PTPRU: variants seen among roughly 807,000 people sequenced by gnomAD.
The protein encoded by PTPRU is protein tyrosine phosphatase receptor type U, also known as receptor-type tyrosine-protein phosphatase U.
PTPRU carries 69 observed loss-of-function variants against 166.3 expected under a neutral mutation model. The ratio of observed to expected loss-of-function variants is 0.41; its 90% CI spans 0.34 to 0.51. The LOEUF is 0.51. Among genes scored for constraint, PTPRU ranks in the 20% least tolerant of loss-of-function variants. The pLI, the probability that PTPRU is intolerant of heterozygous loss-of-function variation, is 0.09. For missense variants in PTPRU, 1,657 were observed against 2,013.7 expected, an observed-to-expected ratio of 0.82 and a Z score of 3.39; for synonymous variants, 793 against 814.0, an observed-to-expected ratio of 0.97 and a Z score of 0.44.
At chr1:29,283,663 T>A in intron 12 of PTPRU, 1 of 496,766 alleles carries the variant, frequency 2.0e-6, no homozygotes, top group Admixed American at 3.7e-5. Context: ...GCCCTAGGCC[T>A]CGCCCCGATG....
At chr1:29,322,158 A>C (rs976563850) in intron 26 of PTPRU, among the ~76,000 whole-genome samples, 1 of 152,266 alleles carries the variant, frequency 6.6e-6, no homozygotes, top group African/African-American at 2.4e-5. Context: ...AGCAGGAACC[A>C]TCCTTGCTAG....
chr1:29,260,978 C>G lies in PTPRU; in HGVS notation c.1144+75C>G. 7.0e-7 allele frequency: 1 copy of G among 1,420,750 alleles called. No individual in the cohort carries two copies. The highest frequency in any genetic ancestry group is 1.5e-5 in the South Asian group (1 of 67,396). The allele number at this position is 1,420,750 out of a possible 1,614,324, so 88.0% of individuals were successfully genotyped here. A position where few individuals can be genotyped will look rare whatever the true frequency, so the allele number is the denominator to read the frequency against. On this transcript the variant is annotated intron_variant, in intron 7 of 29. Coordinates refer to ENST00000373779, the MANE Select transcript of PTPRU (RefSeq NM_133178.4). This position sits in a 1 kb window ranked among gnomAD's most constrained non-coding sequence, Gnocchi z 8.3. Reference sequence around the variant, plus strand: ...ATGGAGGGGCGCATTCGAGAGGTAGCGTGGCCTGTGCTTGTAAACCTTTCT... The same window carrying G: ...ATGGAGGGGCGCATTCGAGAGGTAGGGTGGCCTGTGCTTGTAAACCTTTCT...
At chr1:29,325,023 G>A (rs1688341854) in intron 28 of PTPRU, among the ~76,000 whole-genome samples, 168 bp from the exon 29 acceptor site, 1 of 150,170 alleles carries the variant, frequency 6.7e-6, no homozygotes, top group African/African-American at 2.5e-5. Context: ...TCCTTTCTGT[G>A]TTCTCTAACT....
At chr1:29,243,869 A>G (rs1033554528) in intron 1 of PTPRU, among the ~76,000 whole-genome samples, 1 of 152,126 alleles carries the variant, frequency 6.6e-6, no homozygotes, top group East Asian at 1.9e-4. Context: ...TGGGCTGGCT[A>G]TGCCTCCTCC....
chr1:29,317,224 G>A lies in PTPRU; in HGVS notation c.3514-524G>A, dbSNP rs1164156932. On this transcript the variant is annotated intron_variant, in intron 24 of 29. Transcript: ENST00000373779. This position sits in a 1 kb window ranked among gnomAD's most constrained non-coding sequence, Gnocchi z 5.6. The stretch of plus-strand genomic sequence containing the variant: ...GCCCCGGAGATCCAGGTGTGATTCA[G>A]TGCCCGGTGCTTAGGACTTCATTCT... Among the ~76,000 whole-genome samples the A allele has an allele frequency of 6.6e-6, 1 of 152,170 alleles. No individual in the cohort carries two copies. The highest frequency in any genetic ancestry group is 2.4e-5 in the African/African-American group (1 of 41,436).
chr1:29,306,990 C>CA, intron 18 of PTPRU: 3 of 971,842 alleles, frequency 3.1e-6, no homozygotes, highest in Non-Finnish European at 3.2e-6. Context: ...CAGCCCAGCC[C>CA]GGCCTGCCCG....
At chr1:29,319,467 A>G (rs1008965512) in intron 25 of PTPRU, among the ~76,000 whole-genome samples, 1 of 152,124 alleles carries the variant, frequency 6.6e-6, no homozygotes, top group African/African-American at 2.4e-5. Context: ...TGGAGCCAGG[A>G]GGCCCCATTT....
At chr1:29,305,523 G>A in intron 18 of PTPRU, 95 bp downstream of exon 18, 2 of 1,287,766 alleles carry the variant, frequency 1.6e-6, no homozygotes, top group Non-Finnish European at 2.2e-6. Context: ...ATAAATGGGG[G>A]TTCAAATGGC....
chr1:29,254,583 A>G (rs567972418), intron 1 of PTPRU, among the ~76,000 whole-genome samples: 1 of 152,336 alleles, frequency 6.6e-6, no homozygotes, highest in East Asian at 1.9e-4. Context: ...TCTGTCAAGT[A>G]GGAAAAATAG....
At chr1:29,241,702 C>T (rs1203041662) in intron 1 of PTPRU, among the ~76,000 whole-genome samples, 1 of 151,238 alleles carries the variant, frequency 6.6e-6, no homozygotes, top group East Asian at 1.9e-4. Flanking sequence ...TCAAGTGATT[C>T]TCCTGCCTCA....
intron 14 of PTPRU, among the ~76,000 whole-genome samples, chr1:29,288,519 G>T (rs887500670): frequency 6.6e-6 from 1 of 152,122 alleles, no homozygotes; most frequent in Non-Finnish European, 1.5e-5. Flanking sequence ...GTCCTCCCTC[G>T]TGGGGCCTCT....
At position 29,274,865 on chromosome 1, in the gene PTPRU, A is replaced by T. The variant is rs1313634710; in HGVS notation, c.1145-583A>T. Among the ~76,000 whole-genome samples, 4 of 152,116 alleles carry T rather than the reference A, an allele frequency of 2.6e-5. No individual in the cohort carries two copies. The East Asian group carries it at 7.7e-4, about 29-fold the overall frequency. ...CAGGAGTTCAAGACCAGCCTGGCCA[A>T]CATGTGAAACGCTATCTCTACCAAA... On this transcript the variant is annotated intron_variant, in intron 7 of 29. Coordinates refer to ENST00000373779, the MANE Select transcript of PTPRU (RefSeq NM_133178.4).
At chr1:29,283,803 C>T (rs1161519066) in intron 12 of PTPRU, 137 bp from the exon 13 acceptor site, 5 of 1,023,392 alleles carry the variant, frequency 4.9e-6, no homozygotes, top group Middle Eastern at 2.1e-4. Flanking sequence ...GGCCTGCCTT[C>T]GGGTGGGGTG....
At chr1:29,309,958 C>T (rs1687572525) in intron 18 of PTPRU, among the ~76,000 whole-genome samples, 1 of 152,166 alleles carries the variant, frequency 6.6e-6, no homozygotes, top group South Asian at 2.1e-4. Context: ...AATTCTTTTG[C>T]TCAGAAAGAT....
intron 15 of PTPRU, among the ~76,000 whole-genome samples, chr1:29,296,679 G>GTT (rs60675448): frequency 7.4e-6 from 1 of 135,794 alleles, no homozygotes; most frequent in Non-Finnish European, 1.6e-5. Context: ...TTGCTACTTT[G>GTT]TTTTTTTTTT....
chr1:29,259,589 T>TGG, intron 5 of PTPRU, 25 bp downstream of exon 5: 1 of 250,426 alleles, frequency 4.0e-6, no homozygotes, highest in Non-Finnish European at 7.7e-6. Context: ...TGATCTTGGC[T>TGG]GGGGGCGGGG....
chr1:29,248,913 C>T (rs1166113487), intron 1 of PTPRU, among the ~76,000 whole-genome samples: 1 of 152,160 alleles, frequency 6.6e-6, no homozygotes, highest in Non-Finnish European at 1.5e-5. Context: ...GCACCTCTGC[C>T]CCAAGATGAC....
chr1:29,255,987 T>C (rs1684757140), intron 2 of PTPRU, among the ~76,000 whole-genome samples: 1 of 152,222 alleles, frequency 6.6e-6, no homozygotes, highest in Non-Finnish European at 1.5e-5. Flanking sequence ...ACTGACTTCC[T>C]GCTTTCATCA....
At chr1:29,275,280 A>G (rs1482708980) in intron 7 of PTPRU, among the ~76,000 whole-genome samples, 168 bp from the exon 8 acceptor site, 1 of 152,166 alleles carries the variant, frequency 6.6e-6, no homozygotes, top group Non-Finnish European at 1.5e-5. Flanking sequence ...GCCTGACTCC[A>G]AAGCACATAC....
Sources: gnomAD v4.1 joint callset for allele counts (sites outside exome capture counted in the v4.1 genomes callset) on GRCh38, gnomAD v4.1.1 for gene constraint, Gnocchi (gnomAD v3.1) non-coding constraint, MANE v1.5 for transcripts, NCBI Gene and HGNC (gene_info 2026-07-23, HGNC 2026-07-21) for gene names.